The following PRSS55 variants were observed in gnomAD, a reference collection of about 807,000 sequenced individuals.
PRSS55 encodes the protein serine protease 55.
PRSS55 carries 41 observed loss-of-function variants against 23.6 expected under a neutral mutation model. That is an observed-to-expected ratio of 1.74 (90% confidence interval 1.35 to 2.26). The LOEUF (loss-of-function observed/expected upper bound fraction) is 2.26, where lower values mean the gene tolerates loss of function less well. Ranked by LOEUF, PRSS55 falls within the 30% of genes most tolerant of loss-of-function variation. PRSS55 has a pLI of 0.00. For synonymous variants in PRSS55, 262 were observed against 175.5 expected (o/e 1.49, Z -3.90); for missense variants, 669 against 439.1 (o/e 1.52, Z -4.68).
intron 1 of PRSS55, among the ~76,000 whole-genome samples, chr8:10,527,890 A>G (rs138504390): frequency 6.6e-6 from 1 of 152,368 alleles, no homozygotes; most frequent in Non-Finnish European, 1.5e-5. Flanking sequence ...TCATATGTAA[A>G]TAAAATCAGA....
At chr8:10,547,400 C>G (rs1222746606) in intron 4 of PRSS55, 1 of 152,390 alleles carries the variant, frequency 6.6e-6, no homozygotes, top group East Asian at 1.9e-4. Flanking sequence ...TGCAGAGCTG[C>G]TTCTAGACTT....
intron 4 of PRSS55, among the ~76,000 whole-genome samples, chr8:10,551,178 C>T (rs954909118): frequency 3.3e-5 from 5 of 152,298 alleles, no homozygotes; most frequent in Admixed American, 6.5e-5. Flanking sequence ...CAATAAAGGT[C>T]GTGCTTCATG....
intron 2 of PRSS55, among the ~76,000 whole-genome samples, chr8:10,530,736 C>T (rs1397772006): frequency 2.6e-5 from 4 of 152,148 alleles, no homozygotes; most frequent in Non-Finnish European, 5.9e-5. Context: ...AACCCGGGGA[C>T]AGTTTCTTCA....
At chr8:10,538,074 T>C (rs1332181652) in intron 4 of PRSS55, among the ~76,000 whole-genome samples, 1 of 152,196 alleles carries the variant, frequency 6.6e-6, no homozygotes. Context: ...TTCTTAGCCC[T>C]GCAACACTTC....
chr8:10,553,759 A>G (rs1206255065), intron 4 of PRSS55, among the ~76,000 whole-genome samples: 1 of 152,254 alleles, frequency 6.6e-6, no homozygotes, highest in Non-Finnish European at 1.5e-5. Context: ...TATAGACCGG[A>G]AAATTGCTAA....
chr8:10,548,794 G>A (rs1812882858), intron 4 of PRSS55, among the ~76,000 whole-genome samples: 1 of 152,266 alleles, frequency 6.6e-6, no homozygotes, highest in South Asian at 2.1e-4. Flanking sequence ...CAGCCCTCCT[G>A]GTCACACATC....
At chr8:10,535,238 A>T (rs1306358617) in intron 4 of PRSS55, among the ~76,000 whole-genome samples, 1 of 152,270 alleles carries the variant, frequency 6.6e-6, no homozygotes, top group Admixed American at 6.5e-5. Flanking sequence ...ATATGAAACC[A>T]GAAAAGAGCC....
At chr8:10,544,936 T>A (rs75907116) in intron 4 of PRSS55, 21,584 of 758,138 alleles carry the variant, frequency 0.028, 352 homozygotes, top group African/African-American at 0.061. Context: ...GGAGATAAAG[T>A]ATGTATTTAT....
At chr8:10,526,318 AGG>A (rs1291146293) in intron 1 of PRSS55, among the ~76,000 whole-genome samples, 1 of 152,194 alleles carries the variant, frequency 6.6e-6, no homozygotes, top group Non-Finnish European at 1.5e-5. Flanking sequence ...TCAAAGCCTG[AGG>A]AAGAGGATTT....
In PRSS55 at chr8:10,531,136, T is replaced by A. The variant is rs561393067; in HGVS notation, c.348-159T>A. Among the ~76,000 whole-genome samples, 4 of 152,282 alleles carry A rather than the reference T, an allele frequency of 2.6e-5. No individual in the cohort carries two copies. The South Asian group carries it at 8.3e-4, about 32-fold the overall frequency. On this transcript the variant is annotated intron_variant, in intron 2 of 4. Transcript: ENST00000328655. ...TGTTTTGTTTTGTTTTGTTTTTTCC[T>A]ACCTTTTTCCAATCCTCACACCTTC... is the stretch of plus-strand genomic sequence containing the variant.
At chr8:10,526,691 T>C (rs1420475988) in intron 1 of PRSS55, among the ~76,000 whole-genome samples, 3 of 152,236 alleles carry the variant, frequency 2.0e-5, no homozygotes, top group Non-Finnish European at 4.4e-5. Flanking sequence ...ATGTGGGGGA[T>C]GGATCCCATT....
chr8:10,539,085 AG>A (rs1194070789), downstream of PRSS55, among the ~76,000 whole-genome samples: 5 of 151,404 alleles, frequency 3.3e-5, no homozygotes, highest in Non-Finnish European at 7.4e-5. Flanking sequence ...ACAAATATCC[AG>A]GGCTGGCATG....
At chr8:10,546,208 T>TA (rs1812814164) in intron 4 of PRSS55, among the ~76,000 whole-genome samples, 2 of 152,172 alleles carry the variant, frequency 1.3e-5, no homozygotes, top group South Asian at 4.2e-4. Flanking sequence ...CCCTTGCCTG[T>TA]AAAATGAGAA....
downstream of PRSS55, among the ~76,000 whole-genome samples, chr8:10,541,961 A>G (rs181318157): frequency 2.0e-4 from 31 of 152,148 alleles, no homozygotes; most frequent in Non-Finnish European, 3.8e-4. Flanking sequence ...TTTTTTGTAG[A>G]GATGGGAGTT....
intron 4 of PRSS55, among the ~76,000 whole-genome samples, chr8:10,548,813 A>G (rs578147533): frequency 6.6e-6 from 1 of 152,168 alleles, no homozygotes; most frequent in South Asian, 2.1e-4. Flanking sequence ...TCCACTCAAA[A>G]GCCTTTTATT....
intron 4 of PRSS55, among the ~76,000 whole-genome samples, chr8:10,546,233 G>C (rs1052722706): frequency 6.6e-6 from 1 of 152,220 alleles, no homozygotes; most frequent in Non-Finnish European, 1.5e-5. Context: ...TGCATGGACA[G>C]AGTAAGGCTA....
intron 1 of PRSS55, among the ~76,000 whole-genome samples, chr8:10,528,308 A>T (rs1007844930): frequency 6.6e-6 from 1 of 152,222 alleles, no homozygotes. Context: ...TTTTAAACCA[A>T]AAATGACCAC....
chr8:10,532,057 C>T (rs1003324572), intron 3 of PRSS55, among the ~76,000 whole-genome samples: 1 of 152,068 alleles, frequency 6.6e-6, no homozygotes, highest in Non-Finnish European at 1.5e-5. Flanking sequence ...TGGACTGTCC[C>T]CCAAAAAAAC....
chr8:10,530,971 G>A (rs893591061), intron 2 of PRSS55, among the ~76,000 whole-genome samples: 5 of 152,286 alleles, frequency 3.3e-5, no homozygotes, highest in Non-Finnish European at 7.3e-5. Flanking sequence ...TCCGTGCCAA[G>A]TGGCTTTTTG....
Sources: gnomAD v4.1 joint callset for allele counts (sites outside exome capture counted in the v4.1 genomes callset) on GRCh38, gnomAD v4.1.1 for gene constraint, MANE v1.5 for transcripts, NCBI Gene and HGNC (gene_info 2026-07-23, HGNC 2026-07-21) for gene names.